Variants in SYNRG observed in about 807,000 individuals in gnomAD.
SYNRG encodes AP1 gamma subunit binding protein 1.
SYNRG carries 37 observed loss-of-function variants against 130.9 expected under a neutral mutation model. The observed-to-expected ratio is 0.28, with a 90% CI of 0.22 to 0.37. SYNRG has a LOEUF of 0.37. Ranked by LOEUF, SYNRG falls within the 10% of genes least tolerant of loss-of-function variation. SYNRG has a pLI of 1.00. For missense variants in SYNRG, 1,338 were observed against 1,588.9 expected (o/e 0.84, Z 2.68); for synonymous variants, 539 against 568.1 (o/e 0.95, Z 0.73).
intron 16 of SYNRG, 80 bp from the exon 17 acceptor site, chr17:37,539,325 T>G: frequency 7.0e-7 from 1 of 1,431,208 alleles, no homozygotes; most frequent in Non-Finnish European, 9.7e-7. Flanking sequence ...TTCAAAGTGC[T>G]TGGAGGACTT....
intron 3 of SYNRG, among the ~76,000 whole-genome samples, chr17:37,590,646 C>T (rs1318434848): frequency 6.6e-6 from 1 of 152,078 alleles, no homozygotes; most frequent in Non-Finnish European, 1.5e-5. Flanking sequence ...TATGGCCAGG[C>T]GCAGTGGCTC....
chr17:37,540,355 C>G (rs770117314), intron 16 of SYNRG, 25 bp downstream of exon 16: 1 of 1,611,112 alleles, frequency 6.2e-7, no homozygotes, highest in South Asian at 1.1e-5. Context: ...TGTTACCCAC[C>G]CCTTGTAGAA....
intron 13 of SYNRG, among the ~76,000 whole-genome samples, chr17:37,555,161 T>C (rs935977267): frequency 5.9e-5 from 9 of 152,114 alleles, no homozygotes; most frequent in African/African-American, 1.4e-4. Context: ...AGTTTCATTA[T>C]TGTCGCCCAG....
intron 14 of SYNRG, among the ~76,000 whole-genome samples, chr17:37,544,917 G>A (rs1026207803): frequency 3.3e-5 from 5 of 152,048 alleles, no homozygotes; most frequent in African/African-American, 1.2e-4. Flanking sequence ...CCTATTAAAA[G>A]GTTAGCAGGC....
At position 37,540,470 on chromosome 17, in the gene SYNRG, C is replaced by T; in HGVS notation, c.3276G>A (p.Gln1092=). ...SRSSPSPALE[Q]PFRDRSNTLN... Reference sequence around the variant, plus strand: ...GAGTATTGGAACGGTCTCTGAAAGGCTGCTCCAAAGCTGGAGAAGGAGAAG... The same window carrying T: ...GAGTATTGGAACGGTCTCTGAAAGGTTGCTCCAAAGCTGGAGAAGGAGAAG... The change falls in exon 16 of 22, where the codon CAG becomes CAA. Residue 1092 remains glutamine, a synonymous_variant. Transcript: ENST00000612223. 6.2e-7 allele frequency: 1 copy of T among 1,614,008 alleles called. No homozygotes were observed. The highest frequency in any genetic ancestry group is 8.5e-7 in the Non-Finnish European group (1 of 1,179,990).
At chr17:37,568,545 G>T in intron 11 of SYNRG, 2 of 383,500 alleles carry the variant, frequency 5.2e-6, no homozygotes, top group African/African-American at 4.0e-5. Context: ...TAAAGGTTTG[G>T]CACAGGTAAA....
intron 3 of SYNRG, among the ~76,000 whole-genome samples, chr17:37,593,779 G>A (rs2062423712): frequency 6.6e-6 from 1 of 151,748 alleles, no homozygotes; most frequent in Middle Eastern, 3.2e-3. Flanking sequence ...AGCTACTTGG[G>A]AGGCTGAGGC....
intron 3 of SYNRG, among the ~76,000 whole-genome samples, chr17:37,595,025 T>C (rs927716760): frequency 6.6e-6 from 1 of 152,230 alleles, no homozygotes; most frequent in African/African-American, 2.4e-5. Flanking sequence ...TAAGGATATG[T>C]ATCACGAGTG....
Position 37,577,492 on chromosome 17 carries a change from C to G in SYNRG, c.711G>C (p.Lys237Asn). The G allele has an allele frequency of 1.2e-6, 2 of 1,614,152 alleles. No homozygotes were observed. Among genetic ancestry groups the G allele is most frequent in the Middle Eastern group, 3.3e-4 (2 of 6,062 alleles). The change falls in exon 7 of 22, where the codon AAG becomes AAC. Residue 237 changes from lysine (K) to asparagine (N), a missense_variant. By Grantham distance (94) the Lys-to-Asn change is moderately conservative. Around this residue, in one of 3 missense-constraint regions of SYNRG, gnomAD observed 1,146 missense variants for 1,342.3 expected, o/e 0.85. Transcript: ENST00000612223. ...CGTTACTGGCCATTAAACTGGGATA[C>G]TTCTTACTGGAACCTGGGCCTAGGG... Reference protein sequence around the residue: ...HKALGPGSSKKYPSLMASNGV... With the variant: ...HKALGPGSSKNYPSLMASNGV...
At chr17:37,575,488 A>G (rs2060750374) in intron 8 of SYNRG, among the ~76,000 whole-genome samples, 1 of 152,066 alleles carries the variant, frequency 6.6e-6, no homozygotes, top group Admixed American at 6.6e-5. Flanking sequence ...AAGAAAATGC[A>G]CTTTAAGGAT....
At position 37,553,334 on chromosome 17, in the gene SYNRG, C is replaced by T. The variant is rs766070162; in HGVS notation, c.2389G>A (p.Ala797Thr). 6.2e-7 allele frequency: 1 copy of T among 1,614,186 alleles called. No individual in the cohort carries two copies. The highest frequency in any genetic ancestry group is 8.5e-7 in the Non-Finnish European group (1 of 1,180,020). ...TCTTTGGTGTGTCTGAAAGCCACTGCTTTCTCTCCCAGGGATTTGTCCGAG... is the reference window on the plus strand; with the variant it reads ...TCTTTGGTGTGTCTGAAAGCCACTGTTTTCTCTCCCAGGGATTTGTCCGAG... ...INSDKSLGEK[A>T]VAFRHTKEDS... The change falls in exon 14 of 22, where the codon GCA becomes ACA. Residue 797 changes from alanine to threonine, a missense_variant. By Grantham distance (58) the Ala-to-Thr change is moderately conservative (BLOSUM62 0). Coordinates refer to ENST00000612223, the MANE Select transcript of SYNRG (RefSeq NM_007247.6).
chr17:37,604,067 C>T (rs2063524115), intron 1 of SYNRG, among the ~76,000 whole-genome samples: 1 of 151,916 alleles, frequency 6.6e-6, no homozygotes, highest in African/African-American at 2.4e-5. Context: ...ATGGTGAAAC[C>T]CTATTTCTAC....
rs1406868429 is a variant in SYNRG, at chr17:37,540,533, CTT to C, written c.3211_3212del (p.Lys1071GlufsTer7). ...TFDLSVQGSH[K>X]RSLSLGDKEI... Reference sequence around the variant, plus strand: ...CTTTATCACCAAGGCTCAAACTCCTCTTGTGTGATCCTGGGAGAAGGGGATAA... The same window carrying C: ...CTTTATCACCAAGGCTCAAACTCCTCGTGTGATCCTGGGAGAAGGGGATAA... On this transcript the variant is annotated frameshift_variant, in exon 16 of 22. Coordinates refer to ENST00000612223, the MANE Select transcript of SYNRG (RefSeq NM_007247.6). LOFTEE classifies it high-confidence loss of function. 1 of 1,613,670 alleles carries C rather than the reference CTT, an allele frequency of 6.2e-7. No individual in the cohort carries two copies. The highest frequency in any genetic ancestry group is 1.1e-5 in the South Asian group (1 of 91,072).
In SYNRG at chr17:37,553,121, CAGG is replaced by C. The variant is rs2058833956; in HGVS notation, c.2599_2601del (p.Pro867del). 6.2e-7 allele frequency: 1 copy of C among 1,610,200 alleles called. No homozygotes were observed. The highest frequency in any genetic ancestry group is 1.7e-5 in the Admixed American group (1 of 58,528). ...AATCTCACCAATTCCTCACCTGCAGCAGGAGGATGCTGGCCACTAACTGTTGGT... is the reference window on the plus strand; with the variant it reads ...AATCTCACCAATTCCTCACCTGCAGCAGGATGCTGGCCACTAACTGTTGGT... On this transcript the variant is annotated inframe_deletion, in exon 14 of 22. Transcript: ENST00000612223.
At chr17:37,598,158 T>C (rs562030351) in intron 2 of SYNRG, among the ~76,000 whole-genome samples, 484 of 152,242 alleles carry the variant, frequency 3.2e-3, no homozygotes, top group African/African-American at 0.011. Flanking sequence ...TTAGGAGAGA[T>C]AGATAACAAA....
intron 14 of SYNRG, among the ~76,000 whole-genome samples, chr17:37,543,504 T>A (rs183202749): frequency 9.5e-4 from 145 of 152,358 alleles, no homozygotes; most frequent in African/African-American, 2.9e-3. Flanking sequence ...GACACTAGGC[T>A]AATGATTGAA....
intron 3 of SYNRG, among the ~76,000 whole-genome samples, chr17:37,595,942 A>G (rs1262184475): frequency 6.6e-6 from 1 of 152,094 alleles, no homozygotes; most frequent in East Asian, 1.9e-4. Flanking sequence ...TTTAGTAGAA[A>G]CAGGGATTCA....
At chr17:37,551,542 C>T (rs1250232220) in intron 14 of SYNRG, among the ~76,000 whole-genome samples, 1 of 151,878 alleles carries the variant, frequency 6.6e-6, no homozygotes, top group Non-Finnish European at 1.5e-5. Context: ...GTCAAAAAAA[C>T]CAACCTCCAA....
chr17:37,542,313 T>C lies in SYNRG; in HGVS notation c.2861A>G (p.Asp954Gly). 6.2e-7 allele frequency: 1 copy of C among 1,614,218 alleles called. No homozygotes were observed. Among genetic ancestry groups the C allele is most frequent in the East Asian group, 2.2e-5 (1 of 44,880 alleles). The change falls in exon 15 of 22, where the codon GAT (aspartate) becomes GGT (glycine). Residue 954 changes from aspartate to glycine, a missense_variant. By Grantham distance (94) the Asp-to-Gly change is moderately conservative. Around this residue, in one of 3 missense-constraint regions of SYNRG, gnomAD observed 1,146 missense variants for 1,342.3 expected, o/e 0.85. Transcript: ENST00000612223. ...TGGGAAGGTGGTCTCTGGAAGAGCA[T>C]CTTCACTTACAAAGGTCGTTACTTT... ...LSKVTTFVSE[D>G]ALPETTFPAL...
Sources: allele counts gnomAD v4.1 joint callset (sites outside exome capture counted in the v4.1 genomes callset), GRCh38; gene constraint gnomAD v4.1.1; regional missense constraint gnomAD v4.1.1; transcripts MANE v1.5; gene names NCBI Gene and HGNC (gene_info 2026-07-23, HGNC 2026-07-21).